Variants in JAK1 observed in about 807,000 individuals in gnomAD.
JAK1 encodes tyrosine-protein kinase JAK1.
A neutral mutation model predicts 136.6 loss-of-function variants in JAK1; 16 were observed. That is an observed-to-expected ratio of 0.12 (90% confidence interval 0.08 to 0.18). The LOEUF (loss-of-function observed/expected upper bound fraction) is 0.18. JAK1 is among the 10% of genes least tolerant of loss of function. JAK1 has a pLI of 1.00. For missense variants in JAK1, 859 were observed against 1,450.1 expected (o/e 0.59, Z 6.62); for synonymous variants, 492 against 519.5 (o/e 0.95, Z 0.72).
intron 1 of JAK1, among the ~76,000 whole-genome samples, chr1:64,899,265 A>AATCATGG (rs1420400317): frequency 1.3e-5 from 2 of 152,338 alleles, no homozygotes; most frequent in Middle Eastern, 3.4e-3. Context: ...AAGGACCTAT[A>AATCATGG]ATCATGGTGA....
chr1:64,910,416 G>C (rs1557683701), intron 1 of JAK1, among the ~76,000 whole-genome samples: 1 of 152,192 alleles, frequency 6.6e-6, no homozygotes. Flanking sequence ...TGTTATTTGA[G>C]GAATGAAAAG....
chr1:64,848,195 C>T (rs370822297), intron 12 of JAK1: 3 of 152,648 alleles, frequency 2.0e-5, no homozygotes, highest in African/African-American at 7.2e-5. Flanking sequence ...CCTCATAGGG[C>T]TGTGGTAAGA....
At chr1:64,836,238 A>G (rs1282090335) in intron 22 of JAK1, 23 bp from the exon 23 acceptor site, 1 of 1,395,922 alleles carries the variant, frequency 7.2e-7, no homozygotes, top group Non-Finnish European at 1.0e-6. Context: ...CAGAACACAA[A>G]ACTTCATTTC....
intron 1 of JAK1, among the ~76,000 whole-genome samples, chr1:64,957,159 A>C (rs1176416407): frequency 6.6e-6 from 1 of 152,154 alleles, no homozygotes; most frequent in African/African-American, 2.4e-5. Flanking sequence ...AAGGTTTTCA[A>C]GGTATTTGGC....
intron 1 of JAK1, among the ~76,000 whole-genome samples, chr1:65,050,456 G>A (rs1319433228): frequency 1.3e-5 from 2 of 152,150 alleles, no homozygotes; most frequent in African/African-American, 4.8e-5. Context: ...CAGGCAGAAG[G>A]AAATGCATCT....
rs3737139 is a variant in JAK1 at position 64,845,531 on chromosome 1, G to C, written c.2097C>G (p.Ala699=). 0.064 allele frequency: 102,932 copies of C among 1,613,920 alleles called. 4,065 individuals are homozygous for C. Among genetic ancestry groups the C allele is most frequent in the Admixed American group, 0.16 (9,415 of 60,018 alleles). ...TTCTCACCAAGTAGCTCAGGGCACT[G>C]GCCAGCTGTTTGGCAACTTTGAATT... The part of the protein sequence containing the change: ...PWKFKVAKQL[A]SALSYLEDKD... The change falls in exon 15 of 25, where the codon GCC becomes GCG. Residue 699 remains alanine, a synonymous_variant. Coordinates refer to ENST00000342505, the MANE Select transcript of JAK1 (RefSeq NM_002227.4).
chr1:64,988,505 A>C (rs1196385897), intron 2 of JAK1, among the ~76,000 whole-genome samples: 2 of 152,158 alleles, frequency 1.3e-5, no homozygotes, highest in Non-Finnish European at 2.9e-5. Context: ...AAAAACAAGC[A>C]GAATCTGTCA....
Position 64,836,081 on chromosome 1 carries a change from A to G in JAK1, c.3258+17T>C, listed in dbSNP as rs778654255. ...AAATGGGTACTGGATTCAAATGAAG[A>G]GAAAAGTAGGACTTACAGCCATGGG... On this transcript the variant is annotated intron_variant, in intron 23 of 24. Coordinates refer to ENST00000342505, the MANE Select transcript of JAK1 (RefSeq NM_002227.4). 2.2e-6 allele frequency: 3 copies of G among 1,395,000 alleles called. No individual in the cohort carries two copies. Among genetic ancestry groups the G allele is most frequent in the Non-Finnish European group, 2.0e-6 (2 of 982,324 alleles). 86.4% of individuals were successfully genotyped at this position (1,395,000 alleles called of 1,614,324 possible).
chr1:64,966,173 G>A (rs1446937098), intron 1 of JAK1, among the ~76,000 whole-genome samples, 160 bp downstream of exon 1: 1 of 151,580 alleles, frequency 6.6e-6, no homozygotes, highest in African/African-American at 2.4e-5. Flanking sequence ...TTCCCCGCCC[G>A]AGCCGCGGGG....
intron 2 of JAK1, among the ~76,000 whole-genome samples, chr1:65,002,783 G>C (rs930653001): frequency 2.0e-5 from 3 of 152,210 alleles, no homozygotes; most frequent in African/African-American, 7.2e-5. Flanking sequence ...CGATCGATGT[G>C]GCCAGTCTGC....
At chr1:65,019,641 G>C (rs1474746777) in intron 2 of JAK1, among the ~76,000 whole-genome samples, 2 of 152,184 alleles carry the variant, frequency 1.3e-5, no homozygotes, top group Non-Finnish European at 2.9e-5. Flanking sequence ...GTGAGGCCGG[G>C]CATGGTGGCT....
chr1:65,016,855 G>A lies in JAK1; in HGVS notation c.-78+27625C>T, dbSNP rs535529493. 1.3e-4 allele frequency among the ~76,000 whole-genome samples: 19 copies of A among 151,308 alleles called. 1 individual carries two copies. Among genetic ancestry groups the A allele is most frequent in the African/African-American group, 4.1e-4 (17 of 41,252 alleles). Reference sequence around the variant, plus strand: ...AGAGGTTGCAGTGAGCCGAGATCGCGCCACTGCCCTCCAGCCTGGGCAACA... The same window carrying A: ...AGAGGTTGCAGTGAGCCGAGATCGCACCACTGCCCTCCAGCCTGGGCAACA... On this transcript the variant is annotated intron_variant, in intron 2 of 25. Transcript: ENST00000671954.
intron 4 of JAK1, among the ~76,000 whole-genome samples, chr1:64,874,080 C>A (rs374128446): frequency 6.6e-6 from 1 of 152,146 alleles, no homozygotes; most frequent in South Asian, 2.1e-4. Context: ...CATCATGAAA[C>A]GAGTTAACAA....
intron 9 of JAK1, 60 bp downstream of exon 9, chr1:64,860,045 C>T: frequency 2.2e-6 from 3 of 1,348,946 alleles, no homozygotes; most frequent in South Asian, 3.7e-5. Flanking sequence ...TGACATGCCC[C>T]ATCACTAAAA....
At chr1:65,019,931 A>G (rs1242448932) in intron 2 of JAK1, among the ~76,000 whole-genome samples, 1 of 148,346 alleles carries the variant, frequency 6.7e-6, no homozygotes, top group Non-Finnish European at 1.5e-5. Flanking sequence ...AAAAAGAAGA[A>G]GAAGAAGAAG....
intron 2 of JAK1, chr1:64,974,497 A>G (rs1646480744): frequency 6.6e-6 from 1 of 152,264 alleles, no homozygotes; most frequent in Admixed American, 6.5e-5. Flanking sequence ...AAGAAGGTAT[A>G]TATAAACTAA....
At chr1:64,924,141 T>C (rs567390485) in intron 1 of JAK1, among the ~76,000 whole-genome samples, 1 of 152,268 alleles carries the variant, frequency 6.6e-6, no homozygotes, top group South Asian at 2.1e-4. Flanking sequence ...CACACCAACA[T>C]TGGCAAGTGA....
chr1:64,929,388 T>C (rs1346838777), intron 1 of JAK1, among the ~76,000 whole-genome samples: 4 of 152,242 alleles, frequency 2.6e-5, no homozygotes, highest in African/African-American at 9.6e-5. Flanking sequence ...TATCCTGAAA[T>C]TGCAAGGTAT....
chr1:64,930,610 A>C (rs1486267731), intron 1 of JAK1, among the ~76,000 whole-genome samples: 1 of 152,190 alleles, frequency 6.6e-6, no homozygotes, highest in Non-Finnish European at 1.5e-5. Flanking sequence ...AGGATCTAGA[A>C]CTAGAAATAC....
Sources: allele counts gnomAD v4.1 joint callset (sites outside exome capture counted in the v4.1 genomes callset), GRCh38; gene constraint gnomAD v4.1.1; transcripts MANE v1.5; gene names NCBI Gene and HGNC (gene_info 2026-07-23, HGNC 2026-07-21).